The following ASTN2 variants were observed in gnomAD, a reference collection of about 807,000 sequenced individuals.
ASTN2 encodes astrotactin-2.
A neutral mutation model predicts 139.8 loss-of-function variants in ASTN2; 54 were observed. That is an observed-to-expected ratio of 0.39 (90% CI 0.31 to 0.48). The LOEUF is 0.48. Among genes scored for constraint, ASTN2 ranks in the 20% least tolerant of loss-of-function variants. The pLI, the probability that ASTN2 is intolerant of heterozygous loss-of-function variation, is 0.95. For synonymous variants in ASTN2, 756 were observed against 719.5 expected (o/e 1.05, Z -0.81); for missense variants, 1,565 against 1,725.1 (o/e 0.91, Z 1.64).
At chr9:116,502,973 AAGGAAGGAGAG>A (rs1849943791) in intron 19 of ASTN2, among the ~76,000 whole-genome samples, 1 of 144,828 alleles carries the variant, frequency 6.9e-6, no homozygotes, top group Non-Finnish European at 1.5e-5. Flanking sequence ...AAAAGAAGGG[AAGGAAGGAGAG>A]AGGGAGGGAG....
intron 14 of ASTN2, among the ~76,000 whole-genome samples, chr9:116,729,432 T>A (rs1828719596): frequency 6.6e-6 from 1 of 152,348 alleles, no homozygotes; most frequent in South Asian, 2.1e-4. Context: ...CATCTGACAC[T>A]GTAGCTCTCT....
chr9:117,029,694 G>C (rs1186963773), intron 6 of ASTN2, among the ~76,000 whole-genome samples: 2 of 151,768 alleles, frequency 1.3e-5, no homozygotes, highest in Non-Finnish European at 2.9e-5. Context: ...AAATGAAGGA[G>C]AAAAGGAAGG....
At chr9:116,821,291 A>G (rs1217232190) in intron 11 of ASTN2, among the ~76,000 whole-genome samples, 1 of 152,112 alleles carries the variant, frequency 6.6e-6, no homozygotes, top group Non-Finnish European at 1.5e-5. Context: ...CTGAGCCTCA[A>G]TGTTCTCATC....
chr9:116,992,083 T>C (rs1564374291), intron 7 of ASTN2, among the ~76,000 whole-genome samples: 1 of 152,196 alleles, frequency 6.6e-6, no homozygotes, highest in South Asian at 2.1e-4. Flanking sequence ...CAAGAGGCCA[T>C]GCAAAATGTA....
intron 22 of ASTN2, among the ~76,000 whole-genome samples, chr9:116,439,411 G>A (rs903798964): frequency 6.1e-5 from 9 of 148,366 alleles, no homozygotes; most frequent in South Asian, 2.4e-4. Context: ...CGTTTTAGCC[G>A]GGATGGTCTC....
intron 3 of ASTN2, among the ~76,000 whole-genome samples, chr9:117,206,405 G>A (rs926201550): frequency 3.9e-5 from 6 of 152,148 alleles, no homozygotes; most frequent in African/African-American, 9.7e-5. Context: ...CAAGCCCTGA[G>A]CCCAGTTTAA....
At chr9:116,670,542 A>G (rs956049866) in intron 16 of ASTN2, among the ~76,000 whole-genome samples, 2 of 152,312 alleles carry the variant, frequency 1.3e-5, no homozygotes, top group African/African-American at 4.8e-5. Flanking sequence ...CATGAAAATA[A>G]TATGTTGGGT....
chr9:116,460,713 G>A lies in ASTN2; in HGVS notation c.3498-18160C>T, dbSNP rs117749860. The stretch of plus-strand genomic sequence containing the variant: ...AGTTTAGGGTCATGGATGTATAAGC[G>A]GGGAAAGTTCTTTGTTTAAAGATGG... On this transcript the variant is annotated intron_variant, in intron 20 of 22. Transcript: ENST00000313400. Among the ~76,000 whole-genome samples the A allele has an allele frequency of 1.0e-3, 155 of 152,190 alleles. 2 individuals are homozygous for A. In the East Asian group the frequency reaches 0.029, roughly 28 times the overall value.
At chr9:117,315,561 A>G (rs545810568) in intron 1 of ASTN2, among the ~76,000 whole-genome samples, 3 of 152,358 alleles carry the variant, frequency 2.0e-5, no homozygotes, top group East Asian at 1.9e-4. Flanking sequence ...ACACCTTCTC[A>G]GCCAGGGCTG....
intron 1 of ASTN2, among the ~76,000 whole-genome samples, chr9:117,385,990 T>C (rs1230525401): frequency 6.6e-6 from 1 of 151,978 alleles, no homozygotes; most frequent in Admixed American, 6.6e-5. Context: ...GAAGGGGATA[T>C]GGTACCTTGC....
At position 116,810,555 on chromosome 9, in the gene ASTN2, C is replaced by A. The variant is rs182189083; in HGVS notation, c.2208-4735G>T. Reference sequence around the variant, plus strand: ...TTTATGCTTTCTTTTATGTTTTCTACATAGTTATTACTGACTTGAGAAAAG... The same window carrying A: ...TTTATGCTTTCTTTTATGTTTTCTAAATAGTTATTACTGACTTGAGAAAAG... On this transcript the variant is annotated intron_variant, in intron 12 of 22. Coordinates refer to ENST00000313400, the MANE Select transcript of ASTN2 (RefSeq NM_001365068.1). Among the ~76,000 whole-genome samples, 1,162 of 152,224 alleles carry A rather than the reference C, an allele frequency of 7.6e-3. 4 individuals are homozygous for A. The highest frequency in any genetic ancestry group is 1.0e-2 in the Non-Finnish European group (679 of 68,014).
chr9:116,919,732 C>T (rs753495713), intron 10 of ASTN2, among the ~76,000 whole-genome samples: 1 of 148,416 alleles, frequency 6.7e-6, no homozygotes, highest in Non-Finnish European at 1.5e-5. Context: ...TTGCTTGATC[C>T]CAGGAGTTTG....
At chr9:116,501,045 C>T (rs1455968327) in intron 19 of ASTN2, among the ~76,000 whole-genome samples, 2 of 152,118 alleles carry the variant, frequency 1.3e-5, no homozygotes, top group Non-Finnish European at 2.9e-5. Flanking sequence ...TCTAAATATA[C>T]ACCTCAAAGC....
At position 116,570,062 on chromosome 9, in the gene ASTN2, G is replaced by A. The variant is rs565166146; in HGVS notation, c.3355+48262C>T. On this transcript the variant is annotated intron_variant, in intron 19 of 22. Transcript: ENST00000313400. ...CAGGGGGCTTTGAAGCAGATTACTC[G>A]GTTCGAATCTGGGCTCCCTAACTTT... Among the ~76,000 whole-genome samples, 10 of 152,266 alleles carry A rather than the reference G, an allele frequency of 6.6e-5. No individual in the cohort carries two copies. In the East Asian group the frequency reaches 7.7e-4, roughly 12 times the overall value.
At chr9:116,599,603 T>C (rs981531753) in intron 19 of ASTN2, among the ~76,000 whole-genome samples, 3 of 152,174 alleles carry the variant, frequency 2.0e-5, no homozygotes, top group African/African-American at 7.2e-5. Flanking sequence ...TGGACAGATA[T>C]GACTGGCAGC....
At chr9:116,934,044 G>T (rs149684095) in intron 10 of ASTN2, among the ~76,000 whole-genome samples, 3,419 of 144,748 alleles carry the variant, frequency 0.024, 59 homozygotes, top group Middle Eastern at 0.063. Context: ...GCAGAGGGAT[G>T]GAGGTGATCA....
At chr9:116,876,946 T>C (rs1305701344) in intron 10 of ASTN2, among the ~76,000 whole-genome samples, 3 of 152,208 alleles carry the variant, frequency 2.0e-5, no homozygotes, top group Non-Finnish European at 4.4e-5. Flanking sequence ...TGTGCCTGTA[T>C]ACAGAAAAGA....
chr9:117,142,418 A>C (rs1830096956), intron 3 of ASTN2, among the ~76,000 whole-genome samples: 1 of 152,170 alleles, frequency 6.6e-6, no homozygotes, highest in Non-Finnish European at 1.5e-5. Context: ...AGACACAACC[A>C]CAGTACTGTG....
chr9:116,942,115 C>CCA (rs71502087), intron 10 of ASTN2, among the ~76,000 whole-genome samples: 120 of 94,384 alleles, frequency 1.3e-3, no homozygotes, highest in African/African-American at 5.5e-3. Context: ...CACACACACA[C>CCA]CACACACACA....
Sources: allele counts gnomAD v4.1 joint callset (sites outside exome capture counted in the v4.1 genomes callset), GRCh38; gene constraint gnomAD v4.1.1; transcripts MANE v1.5; gene names NCBI Gene and HGNC (gene_info 2026-07-23, HGNC 2026-07-21).